CPVL: variants seen among roughly 807,000 people sequenced by gnomAD.
CPVL encodes the protein carboxypeptidase vitellogenic like, also known as probable serine carboxypeptidase CPVL.
A neutral mutation model predicts 63.7 loss-of-function variants in CPVL; 51 were observed. The ratio of observed to expected loss-of-function variants is 0.80; its 90% CI spans 0.64 to 1.01. CPVL has a LOEUF of 1.01. Ranked by LOEUF, CPVL falls within the 50% of genes least tolerant of loss-of-function variation. The pLI is 0.00. For synonymous variants in CPVL, 195 were observed against 206.0 expected (o/e 0.95, Z 0.46); for missense variants, 530 against 573.1 (o/e 0.92, Z 0.77).
intron 5 of CPVL, among the ~76,000 whole-genome samples, chr7:29,174,519 A>G (rs1797021206): frequency 6.6e-6 from 1 of 152,294 alleles, no homozygotes; most frequent in Non-Finnish European, 1.5e-5. Flanking sequence ...GGAACATGGT[A>G]GAGTGGATTT....
chr7:29,076,127 C>T (rs539124684), intron 7 of CPVL, among the ~76,000 whole-genome samples: 88 of 152,128 alleles, frequency 5.8e-4, no homozygotes, highest in Admixed American at 2.7e-3. Flanking sequence ...TATAGAACCC[C>T]ATATTTCAGG....
Position 29,026,593 on chromosome 7 carries a change from G to A in CPVL, c.1320+3984C>T, listed in dbSNP as rs138544222. On this transcript the variant is annotated intron_variant, in intron 12 of 12. Coordinates refer to ENST00000265394, the MANE Select transcript of CPVL (RefSeq NM_031311.5). Reference sequence around the variant, plus strand: ...TAAATAAAATCAATAAACTAGACTAGGCTATACTAATCAAGAAAAAAAGAG... The same window carrying A: ...TAAATAAAATCAATAAACTAGACTAAGCTATACTAATCAAGAAAAAAAGAG... Among the ~76,000 whole-genome samples the A allele has an allele frequency of 2.7e-3, 417 of 151,830 alleles. 1 individual carries two copies. Among genetic ancestry groups the A allele is most frequent in the African/African-American group, 9.6e-3 (397 of 41,492 alleles).
At chr7:29,172,240 C>G (rs1227504303) in intron 5 of CPVL, among the ~76,000 whole-genome samples, 2 of 152,168 alleles carry the variant, frequency 1.3e-5, no homozygotes, top group Non-Finnish European at 2.9e-5. Context: ...TCTCCAGCAT[C>G]CGGCCCACTG....
At chr7:29,066,545 T>C (rs971924930) in intron 9 of CPVL, among the ~76,000 whole-genome samples, 1 of 152,104 alleles carries the variant, frequency 6.6e-6, no homozygotes, top group Non-Finnish European at 1.5e-5. Flanking sequence ...AGTAAAGACA[T>C]ATTGGATGAG....
At position 29,071,755 on chromosome 7, in the gene CPVL, A is replaced by T; in HGVS notation, c.864+18T>A. The T allele has an allele frequency of 7.5e-7, 1 of 1,330,834 alleles. No homozygotes were observed. The highest frequency in any genetic ancestry group is 1.0e-6 in the Non-Finnish European group (1 of 998,762). The allele number at this position is 1,330,834 out of a possible 1,614,324, so 82.4% of individuals were successfully genotyped here. Reference sequence around the variant, plus strand: ...GGTTTTAATTGCTCAAGGGCAGCACAGGGCCCCCAGAACTCACTTCAAAGG... The same window carrying T: ...GGTTTTAATTGCTCAAGGGCAGCACTGGGCCCCCAGAACTCACTTCAAAGG... On this transcript the variant is annotated intron_variant, in intron 9 of 12. Coordinates refer to ENST00000265394, the MANE Select transcript of CPVL (RefSeq NM_031311.5).
At chr7:29,133,212 A>T (rs1441429004) in intron 1 of CPVL, among the ~76,000 whole-genome samples, 1 of 152,086 alleles carries the variant, frequency 6.6e-6, no homozygotes, top group Non-Finnish European at 1.5e-5. Context: ...AAAAAACAAA[A>T]AACGCTGTTT....
chr7:29,022,376 T>C (rs1236279770), intron 12 of CPVL, among the ~76,000 whole-genome samples: 1 of 151,932 alleles, frequency 6.6e-6, no homozygotes, highest in African/African-American at 2.4e-5. Context: ...CCCACATACA[T>C]CATCAAAGTG....
intron 5 of CPVL, among the ~76,000 whole-genome samples, chr7:29,177,110 C>T (rs1584577564): frequency 6.6e-6 from 1 of 152,126 alleles, no homozygotes; most frequent in East Asian, 1.9e-4. Flanking sequence ...TGAACATTGT[C>T]TTCTAGCACA....
chr7:29,072,228 G>C, intron 8 of CPVL, 73 bp downstream of exon 8: 1 of 1,528,924 alleles, frequency 6.5e-7, no homozygotes, highest in Non-Finnish European at 8.9e-7. Context: ...CCTCTAAGAG[G>C]AGCCTTCCAT....
intron 1 of CPVL, among the ~76,000 whole-genome samples, chr7:29,139,541 G>C (rs890329953): frequency 6.6e-6 from 1 of 151,636 alleles, no homozygotes; most frequent in Non-Finnish European, 1.5e-5. Context: ...TGGGGGGGCA[G>C]GGGGGCTACA....
intron 7 of CPVL, among the ~76,000 whole-genome samples, chr7:29,074,671 A>G (rs990699207): frequency 2.0e-5 from 3 of 151,664 alleles, no homozygotes; most frequent in African/African-American, 7.3e-5. Flanking sequence ...CATGATAGTG[A>G]GGGAGTTCTC....
At chr7:29,036,293 G>C (rs1393591819) in intron 11 of CPVL, among the ~76,000 whole-genome samples, 1 of 152,192 alleles carries the variant, frequency 6.6e-6, no homozygotes, top group Non-Finnish European at 1.5e-5. Flanking sequence ...GAGAACTAAT[G>C]AGACCATGTA....
intron 11 of CPVL, among the ~76,000 whole-genome samples, chr7:29,059,622 T>G (rs1241837513): frequency 6.6e-6 from 1 of 152,134 alleles, no homozygotes; most frequent in Non-Finnish European, 1.5e-5. Context: ...ACAAAAAGTA[T>G]TCAACAAAAT....
At chr7:29,063,784 C>A (rs1050767681) in intron 11 of CPVL, among the ~76,000 whole-genome samples, 1 of 152,004 alleles carries the variant, frequency 6.6e-6, no homozygotes, top group Admixed American at 6.6e-5. Flanking sequence ...GTTGGCCAGG[C>A]TGGTCTCAAA....
rs771171667 is a variant in CPVL, at chr7:29,064,120, G to T, written c.1078C>A (p.Arg360=). The T allele has an allele frequency of 9.3e-6, 15 of 1,612,630 alleles. No homozygotes were observed. In the Admixed American group the frequency reaches 2.5e-4, roughly 27 times the overall value. ...TTAACTGACTGTACTGTATCTTCTC[G>T]CAAGTACTTTTCAACTATAGTTCCA... is the stretch of plus-strand genomic sequence containing the variant. ...NDGTIVEKYL[R]EDTVQSVKPW... Residue 360 remains arginine (R), a synonymous_variant, in exon 11 of 13, where the codon CGA becomes AGA. Transcript: ENST00000265394.
Position 29,103,411 on chromosome 7 carries a change from A to ATTTTTTTT in CPVL, c.289-7202_289-7195dup, listed in dbSNP as rs551627609. On this transcript the variant is annotated intron_variant, in intron 3 of 12. Coordinates refer to ENST00000265394, the MANE Select transcript of CPVL (RefSeq NM_031311.5). ...GAGGTGTGCACCACCATGCTCAGCT[A>ATTTTTTTT]TTTTTTTTTTTTTTTGTATTTTTAG... Among the ~76,000 whole-genome samples the ATTTTTTTT allele has an allele frequency of 1.1e-3, 142 of 134,802 alleles. 2 individuals carry two copies. The highest frequency in any genetic ancestry group is 2.6e-3 in the African/African-American group (90 of 35,084). 88.4% of individuals were successfully genotyped at this position (134,802 alleles called of 152,430 possible).
intron 7 of CPVL, among the ~76,000 whole-genome samples, chr7:29,077,365 T>C (rs1206418447): frequency 6.6e-6 from 1 of 152,200 alleles, no homozygotes; most frequent in Non-Finnish European, 1.5e-5. Context: ...CATTTCATGG[T>C]GAAAAAATTC....
At chr7:29,044,489 T>C (rs1449862872) in intron 11 of CPVL, among the ~76,000 whole-genome samples, 1 of 152,182 alleles carries the variant, frequency 6.6e-6, no homozygotes, top group Non-Finnish European at 1.5e-5. Context: ...AAATTAAACC[T>C]TTCGTATATC....
intron 12 of CPVL, among the ~76,000 whole-genome samples, chr7:29,028,087 A>C (rs1279535802): frequency 6.6e-6 from 1 of 152,226 alleles, no homozygotes; most frequent in Non-Finnish European, 1.5e-5. Flanking sequence ...GTATTAGTAC[A>C]AAAACAGGCA....
Sources: allele counts gnomAD v4.1 joint callset (sites outside exome capture counted in the v4.1 genomes callset), GRCh38; gene constraint gnomAD v4.1.1; transcripts MANE v1.5; gene names NCBI Gene and HGNC (gene_info 2026-07-23, HGNC 2026-07-21).